AK8: variants seen among roughly 807,000 people sequenced by gnomAD.
The protein encoded by AK8 is ATP-AMP transphosphorylase 8.
AK8 carries 44 observed loss-of-function variants against 54.6 expected under a neutral mutation model. That is an observed-to-expected ratio of 0.81 (90% CI 0.63 to 1.04). The LOEUF (loss-of-function observed/expected upper bound fraction) is 1.04. Ranked by LOEUF, AK8 falls within the 50% of genes least tolerant of loss-of-function variation. The pLI, the probability that AK8 is intolerant of heterozygous loss-of-function variation, is 0.00. For synonymous variants in AK8, 239 were observed against 245.6 expected (o/e 0.97, Z 0.25); for missense variants, 555 against 613.6 (o/e 0.90, Z 1.01).
intron 5 of AK8, among the ~76,000 whole-genome samples, chr9:132,838,113 C>T (rs968833886): frequency 1.3e-5 from 2 of 152,174 alleles, no homozygotes; most frequent in African/African-American, 2.4e-5. Context: ...AGCCCAATGA[C>T]ACCACAAGGA....
At chr9:132,731,332 C>T (rs13289553) in intron 11 of AK8, among the ~76,000 whole-genome samples, 33,099 of 151,930 alleles carry the variant, frequency 0.22, 4,547 homozygotes, top group East Asian at 0.34. Context: ...TATGTGTCAC[C>T]TTGACTGGAT....
At chr9:132,789,487 C>T (rs1480849004) in intron 11 of AK8, among the ~76,000 whole-genome samples, 1 of 148,318 alleles carries the variant, frequency 6.7e-6, no homozygotes, top group East Asian at 2.0e-4. Flanking sequence ...ATCCCAGCTA[C>T]TCAGGAGGAG....
intron 9 of AK8, among the ~76,000 whole-genome samples, chr9:132,816,434 C>T (rs567543776): frequency 1.3e-5 from 2 of 152,018 alleles, no homozygotes; most frequent in South Asian, 4.2e-4. Context: ...AAGCACTGTG[C>T]TAAGTGTGCT....
At chr9:132,752,579 A>C (rs1290960294) in intron 11 of AK8, among the ~76,000 whole-genome samples, 3 of 152,176 alleles carry the variant, frequency 2.0e-5, no homozygotes, top group Non-Finnish European at 2.9e-5. Flanking sequence ...CAATAAGTAG[A>C]TGCCCTGTGT....
At chr9:132,830,150 T>G (rs1842044707) in intron 5 of AK8, among the ~76,000 whole-genome samples, 1 of 152,218 alleles carries the variant, frequency 6.6e-6, no homozygotes, top group Non-Finnish European at 1.5e-5. Context: ...GCTCCTTGCA[T>G]AGAAGTTTTC....
intron 10 of AK8, among the ~76,000 whole-genome samples, chr9:132,794,370 C>T (rs1840065085): frequency 1.3e-5 from 2 of 152,108 alleles, no homozygotes; most frequent in African/African-American, 2.4e-5. Flanking sequence ...TGCCAGCTTG[C>T]ACCTCCCTTC....
intron 5 of AK8, among the ~76,000 whole-genome samples, chr9:132,835,188 G>A (rs894318287): frequency 6.6e-6 from 1 of 152,066 alleles, no homozygotes; most frequent in East Asian, 1.9e-4. Flanking sequence ...GTTTTTATTA[G>A]TTCCTAAATA....
Position 132,727,450 on chromosome 9 carries a change from A to C in AK8, c.1202+4T>G. 1 of 1,614,080 alleles carries C rather than the reference A, an allele frequency of 6.2e-7. No individual in the cohort carries two copies. The highest frequency in any genetic ancestry group is 1.1e-5 in the South Asian group (1 of 91,082). On this transcript the variant is annotated splice_donor_region_variant and intron_variant, in intron 12 of 12. Transcript: ENST00000298545. The stretch of plus-strand genomic sequence containing the variant: ...CTGCCAACCACCAGGAACACAGCAC[A>C]AACCTTTCCCCAGTGACTGGATCAA...
chr9:132,750,807 T>C (rs1278706855), intron 11 of AK8, among the ~76,000 whole-genome samples: 5 of 151,894 alleles, frequency 3.3e-5, no homozygotes, highest in African/African-American at 1.2e-4. Context: ...TAGGTACAAA[T>C]TGTACCCTGG....
chr9:132,738,975 GA>G (rs577596052), intron 11 of AK8, among the ~76,000 whole-genome samples: 142 of 151,564 alleles, frequency 9.4e-4, no homozygotes, highest in African/African-American at 3.2e-3. Context: ...GGCTGGTCTT[GA>G]ATTCCTGGGC....
intron 9 of AK8, among the ~76,000 whole-genome samples, chr9:132,817,237 G>A (rs1054803718): frequency 6.6e-6 from 1 of 152,154 alleles, no homozygotes; most frequent in Non-Finnish European, 1.5e-5. Context: ...TCAGTAGGAT[G>A]GAGTTAATCC....
intron 10 of AK8, among the ~76,000 whole-genome samples, chr9:132,796,100 G>A (rs991086286): frequency 6.6e-6 from 1 of 152,184 alleles, no homozygotes; most frequent in Non-Finnish European, 1.5e-5. Context: ...AGCCCAAAGA[G>A]GTTGTGGTTT....
At chr9:132,841,191 G>A (rs1183212995) in intron 5 of AK8, among the ~76,000 whole-genome samples, 9 of 152,280 alleles carry the variant, frequency 5.9e-5, no homozygotes, top group East Asian at 5.8e-4. Flanking sequence ...ACTGCAGCCC[G>A]AGCAGGCTGT....
At chr9:132,745,647 C>T (rs1837615133) in intron 11 of AK8, among the ~76,000 whole-genome samples, 1 of 152,120 alleles carries the variant, frequency 6.6e-6, no homozygotes, top group African/African-American at 2.4e-5. Context: ...GGCCCTGATC[C>T]CTTTCTTTCC....
intron 11 of AK8, among the ~76,000 whole-genome samples, chr9:132,736,752 T>C (rs1837137384): frequency 7.5e-6 from 1 of 133,736 alleles, no homozygotes. Context: ...GCCACTGCAC[T>C]CCAGCCTGGG....
At chr9:132,763,388 A>T (rs996260410) in intron 11 of AK8, among the ~76,000 whole-genome samples, 15 of 152,258 alleles carry the variant, frequency 9.9e-5, no homozygotes, top group Non-Finnish European at 2.1e-4. Flanking sequence ...GGAGGAAATT[A>T]AAAAATTTCT....
At chr9:132,857,055 G>C (rs1014923138) in intron 4 of AK8, among the ~76,000 whole-genome samples, 4 of 152,182 alleles carry the variant, frequency 2.6e-5, no homozygotes, top group African/African-American at 9.7e-5. Context: ...AAGGAGACCA[G>C]AGAGGCAAGA....
chr9:132,727,418 C>T, intron 12 of AK8, 36 bp downstream of exon 12: 4 of 1,605,550 alleles, frequency 2.5e-6, no homozygotes, highest in Non-Finnish European at 3.4e-6. Flanking sequence ...CCCTGGCAGT[C>T]CCCAGACTGC....
chr9:132,846,573 C>T (rs1356335765), intron 5 of AK8, among the ~76,000 whole-genome samples: 2 of 152,194 alleles, frequency 1.3e-5, no homozygotes, highest in Admixed American at 6.5e-5. Flanking sequence ...GAAACACTGA[C>T]TGGGGAGCCG....
Sources: gnomAD v4.1 joint callset for allele counts (sites outside exome capture counted in the v4.1 genomes callset) on GRCh38, gnomAD v4.1.1 for gene constraint, MANE v1.5 for transcripts, NCBI Gene and HGNC (gene_info 2026-07-23, HGNC 2026-07-21) for gene names.